The following PASK variants were observed in gnomAD, a reference collection of about 807,000 sequenced individuals.
PASK encodes PAS domain containing serine/threonine kinase.
A neutral mutation model predicts 121.0 loss-of-function variants in PASK; 110 were observed. The observed-to-expected ratio is 0.91, with a 90% CI of 0.78 to 1.06. PASK has a LOEUF of 1.06. PASK is among the 50% of genes least tolerant of loss of function. The probability of loss-of-function intolerance (pLI) is 0.00; values close to 1 mark genes in which losing one functional copy is unlikely to be tolerated. For synonymous variants in PASK, 686 were observed against 717.8 expected (o/e 0.96, Z 0.71); for missense variants, 1,643 against 1,702.3 (o/e 0.97, Z 0.61).
chr2:241,124,626 A>G (rs1559372519), intron 10 of PASK, among the ~76,000 whole-genome samples: 1 of 152,258 alleles, frequency 6.6e-6, no homozygotes, highest in Non-Finnish European at 1.5e-5. Context: ...ACTTACATAG[A>G]GAAAGCATGT....
intron 9 of PASK, among the ~76,000 whole-genome samples, chr2:241,128,575 G>A (rs1019250561): frequency 6.6e-6 from 1 of 152,142 alleles, no homozygotes; most frequent in Non-Finnish European, 1.5e-5. Context: ...CCTAATAAAG[G>A]TATACCAGAG....
At chr2:241,144,163 C>T (rs188066634) in intron 1 of PASK, among the ~76,000 whole-genome samples, 33 of 152,134 alleles carry the variant, frequency 2.2e-4, no homozygotes, top group East Asian at 5.8e-4. Flanking sequence ...TGTGTGTGCG[C>T]GCATGTGAGC....
intron 3 of PASK, 81 bp from the exon 4 acceptor site, chr2:241,140,136 T>A (rs1030366152): frequency 8.9e-7 from 1 of 1,123,790 alleles, no homozygotes; most frequent in Non-Finnish European, 1.3e-6. Context: ...AGGACGACCA[T>A]GCAGAAGCCA....
In PASK at chr2:241,108,581, A is replaced by AG. The variant is rs779160551; in HGVS notation, c.3534-282dup. 7 of 491,260 alleles carry AG rather than the reference A, an allele frequency of 1.4e-5. No individual in the cohort carries two copies. The highest frequency in any genetic ancestry group is 4.0e-5 in the South Asian group (2 of 50,086). 30.4% of individuals were successfully genotyped at this position (491,260 alleles called of 1,614,324 possible). On this transcript the variant is annotated intron_variant, in intron 15 of 17. Coordinates refer to ENST00000234040, the MANE Select transcript of PASK (RefSeq NM_015148.4). The surrounding 1 kb of genome is among the most constrained non-coding windows in gnomAD (Gnocchi z 5.2). ...ACCAACCACAAGACGTGTCTACCAG[A>AG]GGGGGGAGCGGGGGGAGGGCTTCCT...
In PASK at chr2:241,137,097, G is replaced by A; in HGVS notation, c.1044C>T (p.Leu348=). 1.2e-6 allele frequency: 2 copies of A among 1,613,758 alleles called. No homozygotes were observed. The highest frequency in any genetic ancestry group is 1.1e-5 in the South Asian group (1 of 91,080). Residue 348 remains leucine (L), a synonymous_variant, in exon 7 of 18, where the codon CTC becomes CTT. Transcript: ENST00000234040. ...TGGTCCCATCCGGCAGGAGGGTGAT[G>A]AGGCCACTGATGGTGCAGAACACCC... The part of the protein sequence containing the change: ...SVWVFCTISG[L]ITLLPDGTIH...
chr2:241,147,484 G>C (rs1012637185), intron 1 of PASK, among the ~76,000 whole-genome samples: 1 of 152,124 alleles, frequency 6.6e-6, no homozygotes, highest in African/African-American at 2.4e-5. Flanking sequence ...AGCAAGGTGT[G>C]GTGGCACATG....
At position 241,142,894 on chromosome 2, in the gene PASK, G is replaced by C; in HGVS notation, c.139C>G (p.His47Asp). 6.2e-7 allele frequency: 1 copy of C among 1,614,106 alleles called. No individual in the cohort carries two copies. The highest frequency in any genetic ancestry group is 8.5e-7 in the Non-Finnish European group (1 of 1,179,964). ...GAAAGCCCATTCCTTCTGCTCAGGT[G>C]TCTGTGGGCTGAGGAAAACGACCTG... ...PSRSFSSAHR[H>D]LSRRNGLSRL... The change falls in exon 2 of 18, where the codon CAC becomes GAC. Residue 47 changes from histidine to aspartate, a missense_variant. By Grantham distance (81) the His-to-Asp change is moderately conservative. Coordinates refer to ENST00000234040, the MANE Select transcript of PASK (RefSeq NM_015148.4).
chr2:241,149,642 G>A (rs1024255924), upstream of PASK: 57 of 1,540,182 alleles, frequency 3.7e-5, no homozygotes, highest in African/African-American at 5.5e-5. Context: ...GGAGCCAAAG[G>A]AATAATGGGC....
chr2:241,140,076 G>A lies in PASK; in HGVS notation c.430-21C>T, dbSNP rs565303529. On this transcript the variant is annotated intron_variant, in intron 3 of 17. Coordinates refer to ENST00000234040, the MANE Select transcript of PASK (RefSeq NM_015148.4). ...AGGATCTGAGGAATCACAAAGAGGA[G>A]CAAGGATGCAGACATCCCCAGCAGC... 8 of 1,608,334 alleles carry A rather than the reference G, an allele frequency of 5.0e-6. No homozygotes were observed. In the Admixed American group the frequency reaches 8.4e-5, roughly 17 times the overall value.
At chr2:241,119,479 T>TC (rs2065513147) in intron 12 of PASK, among the ~76,000 whole-genome samples, 1 of 151,050 alleles carries the variant, frequency 6.6e-6, no homozygotes, top group African/African-American at 2.4e-5. Flanking sequence ...TTTTTTTTTT[T>TC]TTTTTTGGAG....
chr2:241,144,137 T>C (rs1337558830), intron 1 of PASK, among the ~76,000 whole-genome samples: 1 of 151,164 alleles, frequency 6.6e-6, no homozygotes, highest in Non-Finnish European at 1.5e-5. Flanking sequence ...CGTGTGCACA[T>C]GTGTACATGA....
chr2:241,110,873 C>T (rs2065083539), intron 15 of PASK, among the ~76,000 whole-genome samples: 1 of 152,196 alleles, frequency 6.6e-6, no homozygotes, highest in African/African-American at 2.4e-5. Flanking sequence ...CAACCCCCTT[C>T]GATATTTCAC....
At position 241,108,618 on chromosome 2, in the gene PASK, A is replaced by G; in HGVS notation, c.3534-318T>C. On this transcript the variant is annotated intron_variant, in intron 15 of 17. Coordinates refer to ENST00000234040, the MANE Select transcript of PASK (RefSeq NM_015148.4). This position sits in a 1 kb window ranked among gnomAD's most constrained non-coding sequence, Gnocchi z 5.2. ...GGGGAGGGCTTCCTGGAGGAAGCAGAGTACACGTCCATTGGCTTTGCTGAG... is the reference window on the plus strand; with the variant it reads ...GGGGAGGGCTTCCTGGAGGAAGCAGGGTACACGTCCATTGGCTTTGCTGAG... 1 of 433,002 alleles carries G rather than the reference A, an allele frequency of 2.3e-6. No individual in the cohort carries two copies. The highest frequency in any genetic ancestry group is 4.3e-6 in the Non-Finnish European group (1 of 231,018). 26.8% of individuals were successfully genotyped at this position (433,002 alleles called of 1,614,324 possible). A position where few individuals can be genotyped will look rare whatever the true frequency, so the allele number is the denominator to read the frequency against.
chr2:241,133,880 G>A (rs972711801), intron 8 of PASK: 1 of 151,888 alleles, frequency 6.6e-6, no homozygotes, highest in African/African-American at 2.4e-5. Context: ...TACTCGGAAG[G>A]CTGGGACAGG....
In PASK at chr2:241,108,330, A is replaced by C; in HGVS notation, c.3534-30T>G. The C allele has an allele frequency of 6.2e-7, 1 of 1,613,224 alleles. No individual in the cohort carries two copies. Reference sequence around the variant, plus strand: ...GAGGAGGAGGAGGCATCAGGACGCCACGGCACTCAGCGCAGGCTTGCCAAG... The same window carrying C: ...GAGGAGGAGGAGGCATCAGGACGCCCCGGCACTCAGCGCAGGCTTGCCAAG... On this transcript the variant is annotated intron_variant, in intron 15 of 17. Transcript: ENST00000234040. The surrounding 1 kb of genome is among the most constrained non-coding windows in gnomAD (Gnocchi z 5.2).
Position 241,106,406 on chromosome 2 carries a change from C to G in PASK, c.*160G>C. ...TCTATGTAATAAATCTAAAATAATA[C>G]AGCATCACTGTCTTCTGTTCTGGTG... On this transcript the variant is annotated 3_prime_UTR_variant, in exon 18 of 18. Transcript: ENST00000234040. 1 of 750,972 alleles carries G rather than the reference C, an allele frequency of 1.3e-6. No homozygotes were observed. Among genetic ancestry groups the G allele is most frequent in the South Asian group, 1.5e-5 (1 of 66,528 alleles). 46.5% of individuals were successfully genotyped at this position (750,972 alleles called of 1,614,324 possible). A position where few individuals can be genotyped will look rare whatever the true frequency, so the allele number is the denominator to read the frequency against.
chr2:241,121,115 A>G (rs1406496829), intron 12 of PASK, among the ~76,000 whole-genome samples: 1 of 152,264 alleles, frequency 6.6e-6, no homozygotes, highest in Non-Finnish European at 1.5e-5. Context: ...TGAAGTGTCC[A>G]GAATAGGCAA....
intron 10 of PASK, among the ~76,000 whole-genome samples, chr2:241,125,807 G>C (rs953230467): frequency 6.6e-6 from 1 of 152,096 alleles, no homozygotes; most frequent in African/African-American, 2.4e-5. Context: ...CGGCCTGTCT[G>C]TGTGACCACT....
In PASK at chr2:241,116,992, G is replaced by A. The variant is rs561485139; in HGVS notation, c.3073-1579C>T. On this transcript the variant is annotated intron_variant, in intron 12 of 17. Coordinates refer to ENST00000234040, the MANE Select transcript of PASK (RefSeq NM_015148.4). ...AGTCCCGGGAAGGCAGCTTCTGAGC[G>A]CCTCGGGGAAGGCCCTCCAGGCAGA... Among the ~76,000 whole-genome samples the A allele has an allele frequency of 1.1e-3, 170 of 152,346 alleles. 1 individual carries two copies. The highest frequency in any genetic ancestry group is 1.9e-3 in the Non-Finnish European group (132 of 68,036).
Sources: allele counts gnomAD v4.1 joint callset (sites outside exome capture counted in the v4.1 genomes callset), GRCh38; gene constraint gnomAD v4.1.1; non-coding constraint Gnocchi (gnomAD v3.1); transcripts MANE v1.5; gene names NCBI Gene and HGNC (gene_info 2026-07-23, HGNC 2026-07-21).